HYDIN: variants seen among roughly 807,000 people sequenced by gnomAD.
HYDIN encodes the protein HYDIN axonemal central pair apparatus protein.
Under a neutral mutation model 403.9 loss-of-function variants are expected in HYDIN, and 132 were observed. The observed-to-expected ratio is 0.33, with a 90% CI of 0.28 to 0.38. HYDIN has a LOEUF of 0.38. HYDIN is among the 10% of genes least tolerant of loss of function. The pLI, the probability that HYDIN is intolerant of heterozygous loss-of-function variation, is 1.00. For missense variants in HYDIN, 2,827 were observed against 5,009.5 expected (o/e 0.56, Z 13.15); for synonymous variants, 1,202 against 1,891.7 (o/e 0.64, Z 9.46).
At chr16:70,840,377 A>C (rs1482267222) in intron 75 of HYDIN, 144 bp from the exon 76 acceptor site, 1 of 578,606 alleles carries the variant, frequency 1.7e-6, no homozygotes, top group Admixed American at 3.1e-5. Flanking sequence ...CCAATTCAGT[A>C]GGTTAGAAGT....
intron 75 of HYDIN, among the ~76,000 whole-genome samples, chr16:70,841,218 T>A (rs187903117): frequency 8.1e-4 from 124 of 152,296 alleles, no homozygotes; most frequent in African/African-American, 2.7e-3. Context: ...CAGATAAATG[T>A]CCAAGGCTTT....
At chr16:70,979,755 A>G (rs922385226) in intron 29 of HYDIN, among the ~76,000 whole-genome samples, 1 of 152,068 alleles carries the variant, frequency 6.6e-6, no homozygotes, top group Non-Finnish European at 1.5e-5. Flanking sequence ...AACATGACAA[A>G]ACCCCGTCTC....
At chr16:70,857,561 G>A (rs1398112995) in intron 72 of HYDIN, 144 bp downstream of exon 72, 6 of 993,912 alleles carry the variant, frequency 6.0e-6, no homozygotes, top group Non-Finnish European at 8.6e-6. Flanking sequence ...ATATTTTGTG[G>A]CTTTTTAAAA....
rs761646497 is a variant in HYDIN, at chr16:70,920,614, C to T, written c.7762G>A (p.Asp2588Asn). 1.2e-5 allele frequency: 19 copies of T among 1,613,478 alleles called. No individual in the cohort carries two copies. Among genetic ancestry groups the T allele is most frequent in the Admixed American group, 1.0e-4 (6 of 59,970 alleles). The change falls in exon 46 of 86, where the codon GAC (aspartate) becomes AAC (asparagine). Residue 2588 changes from aspartate to asparagine, a missense_variant. By Grantham distance (23) the Asp-to-Asn change is conservative. Transcript: ENST00000393567. ...GLSWKQALES[D>N]KLPKGEQILD... is the part of the protein sequence containing the mutation. ...ACCTGCTCTCCTTTGGGAAGCTTGT[C>T]GCTCTCTAGGGCCTGCTTCCAGCTC... is the stretch of plus-strand genomic sequence containing the variant.
At chr16:70,955,160 C>G (rs2078193709) in intron 40 of HYDIN, among the ~76,000 whole-genome samples, 1 of 152,266 alleles carries the variant, frequency 6.6e-6, no homozygotes, top group Admixed American at 6.5e-5. Flanking sequence ...CTGGTCCCCA[C>G]AGTGGCAAGA....
chr16:71,070,269 CTCTCCTTCCTTCCT>C (rs1568105776), intron 13 of HYDIN, among the ~76,000 whole-genome samples: 2 of 144,536 alleles, frequency 1.4e-5, no homozygotes, highest in African/African-American at 5.2e-5. Context: ...CTTTCTTTCT[CTCTCCTTCCTTCCT>C]TCCTTCCTTC....
At chr16:71,065,202 G>A (rs1434724223) in intron 15 of HYDIN, among the ~76,000 whole-genome samples, 2 of 152,154 alleles carry the variant, frequency 1.3e-5, no homozygotes, top group African/African-American at 2.4e-5. Context: ...ACCAGCATGT[G>A]GTCCTAACTA....
chr16:71,090,565 T>A (rs1199117480), intron 11 of HYDIN: 2 of 152,292 alleles, frequency 1.3e-5, no homozygotes, highest in Non-Finnish European at 2.9e-5. Context: ...AGTGGCGCCA[T>A]CATAGCTCAC....
chr16:70,811,682 AC>A (rs2035513482), intron 84 of HYDIN, among the ~76,000 whole-genome samples: 1 of 150,748 alleles, frequency 6.6e-6, no homozygotes, highest in Non-Finnish European at 1.5e-5. Context: ...ACATGGAGAA[AC>A]CCCGTCTCTA....
chr16:71,113,606 T>C (rs1436901111), intron 10 of HYDIN: 1 of 152,838 alleles, frequency 6.5e-6, no homozygotes, highest in East Asian at 1.9e-4. Flanking sequence ...TTTTTTTTTT[T>C]TTTTTGAGAC....
intron 75 of HYDIN, among the ~76,000 whole-genome samples, chr16:70,842,461 T>C (rs957820018): frequency 6.6e-6 from 1 of 152,018 alleles, no homozygotes; most frequent in Non-Finnish European, 1.5e-5. Context: ...TAATTTTCAA[T>C]CATTGAAAAA....
intron 84 of HYDIN, among the ~76,000 whole-genome samples, chr16:70,816,959 A>C (rs1324240181): frequency 7.5e-6 from 1 of 132,572 alleles, no homozygotes; most frequent in Non-Finnish European, 1.5e-5. Context: ...ACGTAATTTC[A>C]ATCTTTTGTA....
At chr16:71,042,354 T>A (rs1365112879) in intron 18 of HYDIN, among the ~76,000 whole-genome samples, 4 of 151,982 alleles carry the variant, frequency 2.6e-5, no homozygotes. Flanking sequence ...GCCTCTATAT[T>A]GCTAAGTACT....
At chr16:71,200,507 T>C (rs1242929099) in intron 1 of HYDIN, among the ~76,000 whole-genome samples, 1 of 152,166 alleles carries the variant, frequency 6.6e-6, no homozygotes, top group African/African-American at 2.4e-5. Context: ...AGCTGAAGTC[T>C]TGCCATCTTG....
chr16:71,223,779 C>A (rs1688163156), intron 1 of HYDIN, among the ~76,000 whole-genome samples: 1 of 152,112 alleles, frequency 6.6e-6, no homozygotes, highest in South Asian at 2.1e-4. Flanking sequence ...CAATGAGATA[C>A]CACCTTACTC....
intron 1 of HYDIN, among the ~76,000 whole-genome samples, chr16:71,224,625 G>A (rs2040951563): frequency 2.0e-5 from 3 of 146,424 alleles, no homozygotes; most frequent in Admixed American, 2.0e-4. Flanking sequence ...GCAGTGGCGG[G>A]ATCTCGGCTC....
At chr16:71,031,319 G>T (rs571221212) in intron 19 of HYDIN, 91 of 339,768 alleles carry the variant, frequency 2.7e-4, no homozygotes, top group Non-Finnish European at 3.9e-4. Context: ...AGCTGTATCT[G>T]TATTTTCTAC....
At chr16:71,083,894 G>A (rs1303542233) in intron 12 of HYDIN, among the ~76,000 whole-genome samples, 1 of 127,252 alleles carries the variant, frequency 7.9e-6, no homozygotes, top group Non-Finnish European at 1.6e-5. Flanking sequence ...GCTTGTGTCT[G>A]AGTAACCCTA....
intron 23 of HYDIN, among the ~76,000 whole-genome samples, chr16:71,010,604 A>C (rs893746680): frequency 3.3e-5 from 5 of 151,890 alleles, no homozygotes; most frequent in African/African-American, 1.2e-4. Context: ...ATTTCACACA[A>C]GAGCCGAGGC....
Sources: allele counts gnomAD v4.1 joint callset (sites outside exome capture counted in the v4.1 genomes callset), GRCh38; gene constraint gnomAD v4.1.1; transcripts MANE v1.5; gene names NCBI Gene and HGNC (gene_info 2026-07-23, HGNC 2026-07-21).